Variants in KITLG observed in about 807,000 individuals in gnomAD.
KITLG encodes KIT ligand.
Under a neutral mutation model 34.1 loss-of-function variants are expected in KITLG, and 13 were observed. The ratio of observed to expected loss-of-function variants is 0.38; its 90% CI spans 0.25 to 0.61. KITLG has a LOEUF of 0.61. Ranked by LOEUF, KITLG falls within the 20% of genes least tolerant of loss-of-function variation. The pLI, the probability that KITLG is intolerant of heterozygous loss-of-function variation, is 0.60. For synonymous variants in KITLG, 110 were observed against 104.0 expected (o/e 1.06, Z -0.35); for missense variants, 292 against 318.9 (o/e 0.92, Z 0.64).
intron 3 of KITLG, among the ~76,000 whole-genome samples, chr12:88,526,687 T>G (rs1869879874): frequency 6.6e-6 from 1 of 152,064 alleles, no homozygotes; most frequent in Non-Finnish European, 1.5e-5. Context: ...ACAATTTGGT[T>G]TCATCAAAAA....
intron 6 of KITLG, among the ~76,000 whole-genome samples, chr12:88,510,591 T>C (rs2120819994): frequency 6.6e-6 from 1 of 152,336 alleles, no homozygotes; most frequent in East Asian, 1.9e-4. Flanking sequence ...ATTTAGGTAC[T>C]GTCTGCAAGA....
At chr12:88,568,709 G>A (rs926667600) in intron 1 of KITLG, among the ~76,000 whole-genome samples, 7 of 152,028 alleles carry the variant, frequency 4.6e-5, no homozygotes, top group Non-Finnish European at 7.4e-5. Flanking sequence ...GCAGGAAACC[G>A]TGTTAATTCT....
chr12:88,550,287 G>T (rs1486295071), intron 1 of KITLG, among the ~76,000 whole-genome samples: 1 of 152,208 alleles, frequency 6.6e-6, no homozygotes, highest in Non-Finnish European at 1.5e-5. Flanking sequence ...ACCAGAATGA[G>T]TGTATGCCTA....
chr12:88,525,330 G>A (rs1257936123), intron 3 of KITLG, among the ~76,000 whole-genome samples: 1 of 152,098 alleles, frequency 6.6e-6, no homozygotes, highest in Admixed American at 6.5e-5. Context: ...TTTACTATTA[G>A]TGAAAACCAC....
chr12:88,580,388 T>C lies in KITLG; in HGVS notation c.-110A>G. ...ACAGCGGCGGCAGATAGTCCACGCA[T>C]TGGGTAGCCCGAGCGCAGCGCCCTC... On this transcript the variant is annotated 5_prime_UTR_variant, in exon 1 of 10. An upstream start codon of the reference 5' UTR is lost. Coordinates refer to ENST00000644744, the MANE Select transcript of KITLG (RefSeq NM_000899.5). 2 of 1,282,388 alleles carry C rather than the reference T, an allele frequency of 1.6e-6. No individual in the cohort carries two copies. Among genetic ancestry groups the C allele is most frequent in the Admixed American group, 1.9e-5 (1 of 51,416 alleles). 79.4% of individuals were successfully genotyped at this position (1,282,388 alleles called of 1,614,324 possible). A position where few individuals can be genotyped will look rare whatever the true frequency, so the allele number is the denominator to read the frequency against.
chr12:88,576,215 C>G (rs1222694872), intron 1 of KITLG, among the ~76,000 whole-genome samples: 1 of 151,990 alleles, frequency 6.6e-6, no homozygotes, highest in Non-Finnish European at 1.5e-5. Context: ...AAAGAAAAAC[C>G]TTCAAAAACG....
At chr12:88,542,535 T>C (rs1416715488) in intron 2 of KITLG, among the ~76,000 whole-genome samples, 1 of 152,078 alleles carries the variant, frequency 6.6e-6, no homozygotes, top group Non-Finnish European at 1.5e-5. Context: ...ATTATCTACA[T>C]CCATAAATCT....
At chr12:88,498,757 C>T (rs960632817) in intron 9 of KITLG, among the ~76,000 whole-genome samples, 2 of 152,068 alleles carry the variant, frequency 1.3e-5, no homozygotes, top group Non-Finnish European at 2.9e-5. Context: ...CATCTGTAGT[C>T]CCAGCTACTC....
chr12:88,516,220 T>C (rs1486351930), intron 5 of KITLG, 114 bp downstream of exon 5: 3 of 867,570 alleles, frequency 3.5e-6, no homozygotes, highest in African/African-American at 1.7e-5. Flanking sequence ...GCTTTTTTAT[T>C]AGACGTACAT....
intron 1 of KITLG, among the ~76,000 whole-genome samples, chr12:88,558,872 C>T (rs967278870): frequency 6.6e-6 from 1 of 152,088 alleles, no homozygotes; most frequent in African/African-American, 2.4e-5. Flanking sequence ...AAAAGATATA[C>T]AACGTTGTAT....
chr12:88,505,228 G>A lies in KITLG; in HGVS notation c.790C>T (p.Gln264Ter). Residue 264 changes from glutamine to a stop codon, truncating the protein, a stop_gained, in exon 9 of 10, where the codon CAA (glutamine) becomes TAA (stop). Coordinates refer to ENST00000644744, the MANE Select transcript of KITLG (RefSeq NM_000899.5). LOFTEE classifies it high-confidence loss of function. ...NEEDNEISML[Q>*]EKEREFQEV Reference sequence around the variant, plus strand: ...TCTTGAAACTCTCTCTCTTTCTCTTGCAACATACTGAAAAACAATAAGAAA... The same window carrying A: ...TCTTGAAACTCTCTCTCTTTCTCTTACAACATACTGAAAAACAATAAGAAA... 1.9e-6 allele frequency: 3 copies of A among 1,609,448 alleles called. No individual in the cohort carries two copies. Among genetic ancestry groups the A allele is most frequent in the Non-Finnish European group, 2.6e-6 (3 of 1,176,056 alleles).
chr12:88,559,454 G>A (rs1027739551), intron 1 of KITLG, among the ~76,000 whole-genome samples: 1 of 152,190 alleles, frequency 6.6e-6, no homozygotes, highest in African/African-American at 2.4e-5. Context: ...AGTGCTGGGA[G>A]TGTTCTGGAA....
chr12:88,566,066 C>A (rs1871432963), intron 1 of KITLG, among the ~76,000 whole-genome samples: 1 of 152,162 alleles, frequency 6.6e-6, no homozygotes, highest in African/African-American at 2.4e-5. Context: ...CTCACCTTCT[C>A]CTTTATTTAT....
At position 88,497,172 on chromosome 12, in the gene KITLG, TG is replaced by T; in HGVS notation, c.*46del. The T allele has an allele frequency of 2.2e-6, 1 of 448,862 alleles. No homozygotes were observed. The highest frequency in any genetic ancestry group is 4.5e-6 in the Non-Finnish European group (1 of 223,398). The allele number at this position is 448,862 out of a possible 1,614,324, so 27.8% of individuals were successfully genotyped here. On this transcript the variant is annotated 3_prime_UTR_variant, in exon 10 of 10. Coordinates refer to ENST00000644744, the MANE Select transcript of KITLG (RefSeq NM_000899.5). ...CTTCATTTATGAAGCAAACATGAAC[TG>T]TTACCAGCCTAGAAAGGAAGGAAGA...
At chr12:88,560,967 C>CAA (rs34851499) in intron 1 of KITLG, among the ~76,000 whole-genome samples, 39 of 58,064 alleles carry the variant, frequency 6.7e-4, no homozygotes, top group African/African-American at 1.5e-3. Flanking sequence ...GACTCTGTCT[C>CAA]AAAAAAAAAA....
chr12:88,545,416 T>C (rs1050670754), intron 2 of KITLG, among the ~76,000 whole-genome samples: 3 of 152,174 alleles, frequency 2.0e-5, no homozygotes, highest in African/African-American at 7.2e-5. Flanking sequence ...GGAAACCCAC[T>C]GGAGAGATTA....
intron 3 of KITLG, 98 bp from the exon 4 acceptor site, chr12:88,518,965 TGA>T: frequency 1.9e-6 from 2 of 1,049,564 alleles, no homozygotes; most frequent in Non-Finnish European, 2.9e-6. Flanking sequence ...GTTACTCAAG[TGA>T]TTCTCCTGCC....
At chr12:88,518,669 A>G (rs1869545282) in intron 4 of KITLG, 28 bp downstream of exon 4, 1 of 1,590,790 alleles carries the variant, frequency 6.3e-7, no homozygotes, top group African/African-American at 1.3e-5. Flanking sequence ...AGCGTAATGA[A>G]AAATAATCCC....
intron 2 of KITLG, among the ~76,000 whole-genome samples, chr12:88,533,049 G>T (rs970680882): frequency 6.6e-6 from 1 of 151,930 alleles, no homozygotes; most frequent in Non-Finnish European, 1.5e-5. Context: ...CCTAAAAAAT[G>T]ATCAGTGAAA....
Sources: gnomAD v4.1 joint callset for allele counts (sites outside exome capture counted in the v4.1 genomes callset) on GRCh38, gnomAD v4.1.1 for gene constraint, MANE v1.5 for transcripts, NCBI Gene and HGNC (gene_info 2026-07-23, HGNC 2026-07-21) for gene names.